The following UGT1A9 variants were observed in gnomAD, a reference collection of about 807,000 sequenced individuals.
The protein encoded by UGT1A9 is UDP-glucuronosyltransferase 1A9.
Under a neutral mutation model 45.0 loss-of-function variants are expected in UGT1A9, and 35 were observed. That is an observed-to-expected ratio of 0.78 (90% CI 0.59 to 1.03). The LOEUF (loss-of-function observed/expected upper bound fraction) is 1.03, where lower values mean the gene tolerates loss of function less well. Ranked by LOEUF, UGT1A9 falls within the 50% of genes least tolerant of loss-of-function variation. The pLI is 0.00. For synonymous variants in UGT1A9, 278 were observed against 250.6 expected, an observed-to-expected ratio of 1.11 and a Z score of -1.03; for missense variants, 687 against 666.6, an observed-to-expected ratio of 1.03 and a Z score of -0.34.
chr2:233,719,218 A>G, intron 1 of UGT1A9: 2 of 1,614,250 alleles, frequency 1.2e-6, no homozygotes, highest in Non-Finnish European at 1.7e-6. Context: ...GAGCTACTGC[A>G]TAATGAGGCC....
intron 1 of UGT1A9, chr2:233,682,555 A>G: frequency 1.2e-6 from 2 of 1,613,922 alleles, no homozygotes; most frequent in Non-Finnish European, 1.7e-6. Flanking sequence ...TCAAGGAGAG[A>G]GTATGGAACC....
chr2:233,768,308 G>A lies in UGT1A9; in HGVS notation c.1164G>A (p.Met388Ile), dbSNP rs751355128. 5 of 1,614,188 alleles carry A rather than the reference G, an allele frequency of 3.1e-6. No homozygotes were observed. The highest frequency in any genetic ancestry group is 3.4e-6 in the Non-Finnish European group (4 of 1,180,050). Residue 388 changes from methionine to isoleucine, a missense_variant, in exon 4 of 5, where the codon ATG (methionine) becomes ATA (isoleucine). By Grantham distance (10) the Met-to-Ile change is conservative. Transcript: ENST00000354728. The stretch of plus-strand genomic sequence containing the variant: ...GCAATGGCGTTCCCATGGTGATGAT[G>A]CCCTTGTTTGGTGATCAGATGGACA... ...SICNGVPMVM[M>I]PLFGDQMDNA...
chr2:233,710,187 G>T (rs760238092), intron 1 of UGT1A9, among the ~76,000 whole-genome samples: 10 of 152,152 alleles, frequency 6.6e-5, no homozygotes, highest in Non-Finnish European at 1.3e-4. Flanking sequence ...TGGACATGTG[G>T]ATAGTTTCCA....
Position 233,734,706 on chromosome 2 carries a change from A to G in UGT1A9, c.856-32328A>G, listed in dbSNP as rs368011286. 3.0e-4 allele frequency among the ~76,000 whole-genome samples: 45 copies of G among 151,692 alleles called. No individual in the cohort carries two copies. In the South Asian group the frequency reaches 8.6e-3, roughly 29 times the overall value. Reference sequence around the variant, plus strand: ...TTAAATGTGTCCCAGAGATTCTGGTATGTTGTGTCTTTGTTCTCGTCGGTT... The same window carrying G: ...TTAAATGTGTCCCAGAGATTCTGGTGTGTTGTGTCTTTGTTCTCGTCGGTT... On this transcript the variant is annotated intron_variant, in intron 1 of 4. Coordinates refer to ENST00000354728, the MANE Select transcript of UGT1A9 (RefSeq NM_021027.3).
chr2:233,679,186 C>T (rs989767688), intron 1 of UGT1A9, among the ~76,000 whole-genome samples: 1 of 152,146 alleles, frequency 6.6e-6, no homozygotes, highest in Non-Finnish European at 1.5e-5. Context: ...ATTTTGACAC[C>T]TTCAGTGTTG....
chr2:233,727,259 C>T (rs376711129), intron 1 of UGT1A9, among the ~76,000 whole-genome samples: 2 of 152,098 alleles, frequency 1.3e-5, no homozygotes, highest in African/African-American at 4.8e-5. Flanking sequence ...CAGCCCAGAC[C>T]CCTCCTCATC....
intron 1 of UGT1A9, among the ~76,000 whole-genome samples, chr2:233,707,538 C>CTT (rs753963758): frequency 2.1e-4 from 27 of 126,992 alleles, no homozygotes; most frequent in African/African-American, 6.9e-4. Context: ...TTTGTCTTGC[C>CTT]TTTTTTTTTT....
rs541267003 is a variant in UGT1A9, at chr2:233,744,012, G to T, written c.856-23022G>T. 67 of 1,089,588 alleles carry T rather than the reference G, an allele frequency of 6.1e-5. 1 individual carries two copies. Among genetic ancestry groups the T allele is most frequent in the Non-Finnish European group, 7.2e-5 (60 of 828,198 alleles). The allele number at this position is 1,089,588 out of a possible 1,614,324, so 67.5% of individuals were successfully genotyped here. ...GCCCGAGTGCTCGGAGACCTGGGCC[G>T]CCTGGAGAGACGCCCCTTATGACGC... On this transcript the variant is annotated intron_variant, in intron 1 of 4. Transcript: ENST00000354728.
chr2:233,746,004 G>A (rs1693275700), intron 1 of UGT1A9, among the ~76,000 whole-genome samples: 1 of 151,648 alleles, frequency 6.6e-6, no homozygotes, highest in Non-Finnish European at 1.5e-5. Context: ...GAGAGACAGT[G>A]GTAGAAACAT....
chr2:233,719,349 C>T (rs2076756865), intron 1 of UGT1A9: 2 of 1,613,758 alleles, frequency 1.2e-6, no homozygotes, highest in Admixed American at 1.7e-5. Context: ...GAGGTACATT[C>T]CATGTGACTT....
rs1699539864 is a variant in UGT1A9, at chr2:233,767,990, G to A, written c.1075+54G>A. ...CAAACCAGGGTCAAATTAAGAAAATGGCTTAAGCACAGCTATTCTAAAGGA... is the reference window on the plus strand; with the variant it reads ...CAAACCAGGGTCAAATTAAGAAAATAGCTTAAGCACAGCTATTCTAAAGGA... On this transcript the variant is annotated intron_variant, in intron 3 of 4. Coordinates refer to ENST00000354728, the MANE Select transcript of UGT1A9 (RefSeq NM_021027.3). 1.9e-5 allele frequency: 30 copies of A among 1,613,976 alleles called. No individual in the cohort carries two copies. In the South Asian group the frequency reaches 3.2e-4, roughly 17 times the overall value.
intron 1 of UGT1A9, chr2:233,690,651 A>G: frequency 7.8e-7 from 1 of 1,284,640 alleles, no homozygotes; most frequent in Non-Finnish European, 1.0e-6. Flanking sequence ...CTTGACTCCT[A>G]CAGCACCAAC....
rs773775333 is a variant in UGT1A9 at position 233,672,615 on chromosome 2, C to T, written c.681C>T (p.Ala227=). 6.2e-7 allele frequency: 1 copy of T among 1,613,742 alleles called. No individual in the cohort carries two copies. Among genetic ancestry groups the T allele is most frequent in the Admixed American group, 1.7e-5 (1 of 59,992 alleles). Residue 227 remains alanine (A), a synonymous_variant, in exon 1 of 5, where the codon GCC becomes GCT. Transcript: ENST00000354728. ...TATGCCACCGTTTTTTCAAAAATGC[C>T]CTAGAAATAGCCTCTGAAATTCTCC... is the stretch of plus-strand genomic sequence containing the variant. ...HLLCHRFFKN[A]LEIASEILQT...
chr2:233,757,549 T>TATATATATATATATATATACATATAC (rs1696618435), intron 1 of UGT1A9, among the ~76,000 whole-genome samples: 1 of 133,968 alleles, frequency 7.5e-6, no homozygotes, highest in Non-Finnish European at 1.6e-5. Context: ...TATATATATA[T>TATATATATATATATATATACATATAC]ATATATATAT....
intron 4 of UGT1A9, 114 bp downstream of exon 4, chr2:233,768,553 AT>A (rs1280927222): frequency 2.3e-5 from 34 of 1,477,264 alleles, no homozygotes; most frequent in Non-Finnish European, 2.9e-5. Context: ...ATAAAAACAA[AT>A]ACATAAAAAT....
At chr2:233,719,656 T>G in intron 1 of UGT1A9, 1 of 1,614,106 alleles carries the variant, frequency 6.2e-7, no homozygotes, top group Non-Finnish European at 8.5e-7. Flanking sequence ...ATTGGGGGCA[T>G]CAACTGTGCC....
chr2:233,718,474 A>G (rs1284319219), intron 1 of UGT1A9, among the ~76,000 whole-genome samples: 1 of 152,230 alleles, frequency 6.6e-6, no homozygotes, highest in Admixed American at 6.5e-5. Context: ...CTGCAGCCTG[A>G]TAAATATGGT....
chr2:233,715,338 A>T (rs2076446051), intron 1 of UGT1A9, among the ~76,000 whole-genome samples: 1 of 152,002 alleles, frequency 6.6e-6, no homozygotes, highest in East Asian at 1.9e-4. Flanking sequence ...AGATTGGTGC[A>T]TGTAGGTTTG....
intron 1 of UGT1A9, chr2:233,748,089 C>G (rs17863798): frequency 2.3e-5 from 37 of 1,612,724 alleles, no homozygotes; most frequent in Non-Finnish European, 2.8e-5. Flanking sequence ...GGTCGGTGTT[C>G]GTGCCTTCAT....
Sources: gnomAD v4.1 joint callset for allele counts (sites outside exome capture counted in the v4.1 genomes callset) on GRCh38, gnomAD v4.1.1 for gene constraint, MANE v1.5 for transcripts, NCBI Gene and HGNC (gene_info 2026-07-23, HGNC 2026-07-21) for gene names.